Variants in DAPK1 observed in about 807,000 individuals in gnomAD.
The protein encoded by DAPK1 is death-associated protein kinase 1.
Under a neutral mutation model 144.9 loss-of-function variants are expected in DAPK1, and 56 were observed. The observed-to-expected ratio is 0.39, with a 90% confidence interval of 0.31 to 0.48. The LOEUF is 0.48. Among genes scored for constraint, DAPK1 ranks in the 20% least tolerant of loss-of-function variants. DAPK1 has a pLI of 0.95. For synonymous variants in DAPK1, 690 were observed against 749.0 expected (o/e 0.92, Z 1.29); for missense variants, 1,454 against 1,875.4 (o/e 0.78, Z 4.15).
intron 2 of DAPK1, among the ~76,000 whole-genome samples, chr9:87,603,545 C>T (rs1379827807): frequency 6.6e-6 from 1 of 152,158 alleles, no homozygotes; most frequent in African/African-American, 2.4e-5. Flanking sequence ...AAATGAGTAA[C>T]GTTTTAAAGT....
chr9:87,645,194 G>A (rs892043619), intron 11 of DAPK1, among the ~76,000 whole-genome samples: 2 of 152,140 alleles, frequency 1.3e-5, no homozygotes, highest in African/African-American at 4.8e-5. Flanking sequence ...TAGTTTTAAT[G>A]TGAATTTTGA....
intron 3 of DAPK1, among the ~76,000 whole-genome samples, chr9:87,620,252 G>A (rs1393805958): frequency 2.0e-5 from 3 of 152,174 alleles, no homozygotes; most frequent in African/African-American, 7.2e-5. Context: ...GCTCAAAGAG[G>A]GAAACTGGGA....
chr9:87,682,497 T>C (rs1275042750), intron 20 of DAPK1, among the ~76,000 whole-genome samples: 2 of 152,198 alleles, frequency 1.3e-5, no homozygotes, highest in Non-Finnish European at 2.9e-5. Flanking sequence ...AGGTTGATGC[T>C]AAAGTTTGTG....
At chr9:87,633,023 T>C (rs1485865764) in intron 3 of DAPK1, 1 of 980,198 alleles carries the variant, frequency 1.0e-6, no homozygotes, top group Non-Finnish European at 1.2e-6. Flanking sequence ...AGGATGAGTA[T>C]ATATGTAGGG....
intron 10 of DAPK1, 34 bp downstream of exon 10, chr9:87,642,092 T>C: frequency 6.3e-7 from 1 of 1,579,254 alleles, no homozygotes; most frequent in South Asian, 1.1e-5. Flanking sequence ...ATTAACAAAT[T>C]CTGTTTCCTG....
chr9:87,695,799 T>G (rs914025358), intron 21 of DAPK1, among the ~76,000 whole-genome samples: 1 of 152,208 alleles, frequency 6.6e-6, no homozygotes, highest in Admixed American at 6.5e-5. Context: ...ATAGTCACTG[T>G]TACATTCAAT....
rs1172629557 is a variant in DAPK1, at chr9:87,600,840, AG to A, written c.63-4109del. Among the ~76,000 whole-genome samples, 3 of 152,142 alleles carry A rather than the reference AG, an allele frequency of 2.0e-5. No homozygotes were observed. In the South Asian group the frequency reaches 6.2e-4, roughly 31 times the overall value. On this transcript the variant is annotated intron_variant, in intron 2 of 25. Coordinates refer to ENST00000408954, the MANE Select transcript of DAPK1 (RefSeq NM_004938.4). ...CTGGCCTCAGTGCATGGGTGTGAGGAGGGGGCAGAAGGGACAAGCGCCCCCA... is the reference window on the plus strand; with the variant it reads ...CTGGCCTCAGTGCATGGGTGTGAGGAGGGGCAGAAGGGACAAGCGCCCCCA...
intron 2 of DAPK1, among the ~76,000 whole-genome samples, chr9:87,504,196 G>A (rs1563962213): frequency 6.6e-6 from 1 of 152,152 alleles, no homozygotes; most frequent in East Asian, 1.9e-4. Flanking sequence ...GACTCAGAAT[G>A]CTCTCAGATG....
intron 19 of DAPK1, among the ~76,000 whole-genome samples, chr9:87,672,100 A>C (rs1824184781): frequency 6.6e-6 from 1 of 152,190 alleles, no homozygotes; most frequent in African/African-American, 2.4e-5. Context: ...GGGTCGATGT[A>C]GATGATGTCC....
At chr9:87,695,770 C>T (rs1825237382) in intron 21 of DAPK1, among the ~76,000 whole-genome samples, 1 of 152,184 alleles carries the variant, frequency 6.6e-6, no homozygotes, top group Non-Finnish European at 1.5e-5. Flanking sequence ...CCTGTTGAGC[C>T]AAATTCAGGT....
intron 2 of DAPK1, among the ~76,000 whole-genome samples, chr9:87,568,181 C>T (rs890843528): frequency 4.6e-5 from 7 of 152,340 alleles, no homozygotes; most frequent in African/African-American, 1.4e-4. Flanking sequence ...CCAGCTGGAG[C>T]GCACGGGGCC....
intron 21 of DAPK1, among the ~76,000 whole-genome samples, chr9:87,696,721 C>T (rs971749229): frequency 5.3e-5 from 8 of 152,166 alleles, no homozygotes; most frequent in African/African-American, 1.9e-4. Context: ...CTCACTCACT[C>T]ACTCACTCCT....
chr9:87,508,644 G>A (rs993208570), intron 2 of DAPK1, among the ~76,000 whole-genome samples: 5 of 152,098 alleles, frequency 3.3e-5, no homozygotes, highest in African/African-American at 9.7e-5. Flanking sequence ...GCCCGGCCAC[G>A]ATTGTCAGGA....
At chr9:87,568,515 A>G (rs36233456) in intron 2 of DAPK1, among the ~76,000 whole-genome samples, 11,045 of 152,202 alleles carry the variant, frequency 0.073, 468 homozygotes, top group Non-Finnish European at 0.1. Context: ...ATGTTTTTTC[A>G]TGGAGTCATC....
At chr9:87,704,182 A>G (rs1301557601) in intron 25 of DAPK1, among the ~76,000 whole-genome samples, 1 of 152,194 alleles carries the variant, frequency 6.6e-6, no homozygotes, top group African/African-American at 2.4e-5. Context: ...ATCCAGGAAT[A>G]CTTTAAAGTG....
intron 2 of DAPK1, among the ~76,000 whole-genome samples, chr9:87,530,661 T>A (rs1369159840): frequency 6.6e-6 from 1 of 152,194 alleles, no homozygotes. Context: ...GACATGCTAT[T>A]TAATTTTTAA....
chr9:87,497,975 G>C lies in DAPK1; in HGVS notation c.-241G>C, dbSNP rs1303190059. The C allele has an allele frequency of 7.6e-6, 3 of 397,068 alleles. No homozygotes were observed. Among genetic ancestry groups the C allele is most frequent in the East Asian group, 7.1e-5 (2 of 28,018 alleles). 24.6% of individuals were successfully genotyped at this position (397,068 alleles called of 1,614,324 possible). On this transcript the variant is annotated 5_prime_UTR_variant, in exon 1 of 26. Transcript: ENST00000408954. ...GCGGCAGGGTCTGGGGCCGGCGCCT[G>C]GGAGGGATCTGCGCCCCCCACTCAC...
intron 2 of DAPK1, among the ~76,000 whole-genome samples, chr9:87,514,922 C>G (rs1824988294): frequency 6.6e-6 from 1 of 152,202 alleles, no homozygotes; most frequent in Admixed American, 6.5e-5. Context: ...GCTGGTTTCT[C>G]TGTTTTCTCT....
chr9:87,682,697 A>G (rs1359835832), intron 20 of DAPK1, among the ~76,000 whole-genome samples: 3 of 152,252 alleles, frequency 2.0e-5, no homozygotes, highest in Non-Finnish European at 4.4e-5. Context: ...ACATATGTCA[A>G]TATTTATAGA....
Sources: allele counts gnomAD v4.1 joint callset (sites outside exome capture counted in the v4.1 genomes callset), GRCh38; gene constraint gnomAD v4.1.1; transcripts MANE v1.5; gene names NCBI Gene and HGNC (gene_info 2026-07-23, HGNC 2026-07-21).